PRKCA: variants seen among roughly 807,000 people sequenced by gnomAD.
The protein encoded by PRKCA is protein kinase C alpha, also known as protein kinase C alpha type.
A neutral mutation model predicts 87.0 loss-of-function variants in PRKCA; 27 were observed. That is an observed-to-expected ratio of 0.31 (90% CI 0.23 to 0.43). The LOEUF (loss-of-function observed/expected upper bound fraction) is 0.43, where lower values mean the gene tolerates loss of function less well. Among genes scored for constraint, PRKCA ranks in the 20% least tolerant of loss-of-function variants. The pLI is 1.00. For missense variants in PRKCA, 518 were observed against 852.3 expected (o/e 0.61, Z 4.88); for synonymous variants, 329 against 311.1 (o/e 1.06, Z -0.61).
At chr17:66,467,516 G>A (rs1297693947) in intron 2 of PRKCA, among the ~76,000 whole-genome samples, 1 of 152,116 alleles carries the variant, frequency 6.6e-6, no homozygotes, top group East Asian at 1.9e-4. Context: ...ATCACCAATA[G>A]TACCTGCTCT....
At chr17:66,673,987 T>C (rs927686929) in intron 5 of PRKCA, among the ~76,000 whole-genome samples, 5 of 152,246 alleles carry the variant, frequency 3.3e-5, no homozygotes, top group African/African-American at 1.2e-4. Context: ...TTTTTCCTTG[T>C]CCAAGAGTCC....
intron 13 of PRKCA, among the ~76,000 whole-genome samples, chr17:66,761,582 G>A (rs578237280): frequency 6.6e-5 from 10 of 151,658 alleles, no homozygotes; most frequent in South Asian, 2.1e-4. Context: ...CCAGCCTCCC[G>A]AGCAGCTGGG....
intron 2 of PRKCA, among the ~76,000 whole-genome samples, chr17:66,355,907 G>GT (rs111911440): frequency 5.3e-5 from 8 of 152,062 alleles, no homozygotes; most frequent in Non-Finnish European, 7.4e-5. Context: ...TTAAAGTGAT[G>GT]TTTTTTTTGA....
intron 5 of PRKCA, among the ~76,000 whole-genome samples, chr17:66,670,529 T>A (rs1174687537): frequency 1.3e-5 from 2 of 152,060 alleles, no homozygotes; most frequent in African/African-American, 4.8e-5. Context: ...TGTTTTGGGG[T>A]GAATCTTGAG....
chr17:66,577,395 G>A (rs1377339612), intron 3 of PRKCA, among the ~76,000 whole-genome samples: 3 of 152,184 alleles, frequency 2.0e-5, no homozygotes, highest in Non-Finnish European at 4.4e-5. Context: ...AGTAGAATAA[G>A]CAGATGGTGA....
chr17:66,405,194 C>T (rs545131861), intron 2 of PRKCA, among the ~76,000 whole-genome samples: 1 of 152,310 alleles, frequency 6.6e-6, no homozygotes, highest in Admixed American at 6.5e-5. Flanking sequence ...GGTGCCGACA[C>T]TGCGTGCACT....
At chr17:66,550,311 G>T (rs1199106707) in intron 3 of PRKCA, among the ~76,000 whole-genome samples, 1 of 152,136 alleles carries the variant, frequency 6.6e-6, no homozygotes, top group Non-Finnish European at 1.5e-5. Flanking sequence ...TTTCTGCACA[G>T]ACTGTCCCTT....
At chr17:66,732,047 C>T (rs1350504271) in intron 8 of PRKCA, among the ~76,000 whole-genome samples, 1 of 151,172 alleles carries the variant, frequency 6.6e-6, no homozygotes, top group Non-Finnish European at 1.5e-5. Context: ...GCCTCGGCCT[C>T]CCAGAGTGCT....
In PRKCA at chr17:66,407,711, TA is replaced by T. The variant is rs112199964; in HGVS notation, c.206-88479del. Among the ~76,000 whole-genome samples, 833 of 147,200 alleles carry T rather than the reference TA, an allele frequency of 5.7e-3. 4 individuals carry two copies. The highest frequency in any genetic ancestry group is 0.015 in the East Asian group (77 of 5,082). ...TGAAAAATGTTTTGCATTTTTTGTT[TA>T]AAAAAAAAAAGTAGATTTCCTTTTC... On this transcript the variant is annotated intron_variant, in intron 2 of 16. Transcript: ENST00000413366.
At chr17:66,414,441 C>CT (rs1268621765) in intron 2 of PRKCA, among the ~76,000 whole-genome samples, 1 of 152,172 alleles carries the variant, frequency 6.6e-6, no homozygotes, top group Admixed American at 6.5e-5. Flanking sequence ...ACCATGCTTC[C>CT]TGTACGGCCT....
intron 3 of PRKCA, among the ~76,000 whole-genome samples, chr17:66,616,880 A>G (rs1444060541): frequency 2.0e-5 from 3 of 147,150 alleles, no homozygotes; most frequent in Non-Finnish European, 4.5e-5. Flanking sequence ...GGCAATGGGA[A>G]GCTAGCAGGG....
rs1032956392 is a variant in PRKCA at position 66,808,266 on chromosome 17, A to G, written c.*4229A>G. The stretch of plus-strand genomic sequence containing the variant: ...ACTAACAACTAACACCGCAGTTCCC[A>G]CCTGGGTTCCACTTAGCAGGAGACA... On this transcript the variant is annotated 3_prime_UTR_variant, in exon 17 of 17. Coordinates refer to ENST00000413366, the MANE Select transcript of PRKCA (RefSeq NM_002737.3). 1 of 146,704 alleles carries G rather than the reference A, an allele frequency of 6.8e-6. No individual in the cohort carries two copies. Among genetic ancestry groups the G allele is most frequent in the South Asian group, 2.2e-4 (1 of 4,584 alleles). The allele number at this position is 146,704 out of a possible 1,614,324, so 9.1% of individuals were successfully genotyped here.
rs1969883208 is a variant in PRKCA, at chr17:66,593,635, T to C, written c.289-47720T>C. On this transcript the variant is annotated intron_variant, in intron 3 of 16. Coordinates refer to ENST00000413366, the MANE Select transcript of PRKCA (RefSeq NM_002737.3). ...GGGACAAAGAGCAGATTCTTTGTCA[T>C]GGACATGAAGATGTTTTTAATCCAT... 1.3e-5 allele frequency among the ~76,000 whole-genome samples: 2 copies of C among 152,220 alleles called. 1 individual carries two copies. Among genetic ancestry groups the C allele is most frequent in the South Asian group, 4.1e-4 (2 of 4,830 alleles).
At chr17:66,360,187 G>T (rs1351837959) in intron 2 of PRKCA, among the ~76,000 whole-genome samples, 1 of 152,100 alleles carries the variant, frequency 6.6e-6, no homozygotes, top group Non-Finnish European at 1.5e-5. Context: ...TCACTTCTTT[G>T]CAGTATTTGA....
chr17:66,605,432 T>C (rs989875510), intron 3 of PRKCA, among the ~76,000 whole-genome samples: 2 of 152,286 alleles, frequency 1.3e-5, no homozygotes, highest in African/African-American at 4.8e-5. Context: ...CTCACTGGGA[T>C]GGCCATGATC....
chr17:66,486,269 A>G (rs1915985733), intron 2 of PRKCA, among the ~76,000 whole-genome samples: 2 of 152,212 alleles, frequency 1.3e-5, no homozygotes, highest in Non-Finnish European at 1.5e-5. Context: ...TCATTCATGC[A>G]TATTCTTAGT....
intron 2 of PRKCA, among the ~76,000 whole-genome samples, chr17:66,390,008 G>GAAA (rs1364594979): frequency 6.6e-6 from 1 of 152,248 alleles, no homozygotes; most frequent in Non-Finnish European, 1.5e-5. Flanking sequence ...TGGATCACCT[G>GAAA]AGGTTGGGAG....
chr17:66,664,844 T>G (rs916847025), intron 5 of PRKCA, among the ~76,000 whole-genome samples: 2 of 151,836 alleles, frequency 1.3e-5, no homozygotes, highest in East Asian at 3.9e-4. Context: ...TCTGACCACA[T>G]TACCAGGCTG....
At chr17:66,550,151 C>T (rs1366864548) in intron 3 of PRKCA, among the ~76,000 whole-genome samples, 2 of 152,112 alleles carry the variant, frequency 1.3e-5, no homozygotes, top group African/African-American at 2.4e-5. Context: ...TCTTTTTTCT[C>T]GGGTGAAGAG....
Sources: allele counts gnomAD v4.1 joint callset (sites outside exome capture counted in the v4.1 genomes callset), GRCh38; gene constraint gnomAD v4.1.1; transcripts MANE v1.5; gene names NCBI Gene and HGNC (gene_info 2026-07-23, HGNC 2026-07-21).